DLGAP2: variants seen among roughly 807,000 people sequenced by gnomAD.
The protein encoded by DLGAP2 is disks large-associated protein 2.
Under a neutral mutation model 100.3 loss-of-function variants are expected in DLGAP2, and 26 were observed. The ratio of observed to expected loss-of-function variants is 0.26; its 90% CI spans 0.19 to 0.36. DLGAP2 has a LOEUF of 0.36. DLGAP2 is among the 10% of genes least tolerant of loss of function. The probability of loss-of-function intolerance (pLI) is 1.00; values close to 1 mark genes in which losing one functional copy is unlikely to be tolerated. For synonymous variants in DLGAP2, 886 were observed against 630.1 expected (o/e 1.41, Z -6.08); for missense variants, 1,858 against 1,453.2 (o/e 1.28, Z -4.53).
chr8:1,209,944 C>A (rs1185423286), intron 2 of DLGAP2, among the ~76,000 whole-genome samples: 1 of 152,202 alleles, frequency 6.6e-6, no homozygotes, highest in Non-Finnish European at 1.5e-5. Flanking sequence ...CCACTTTCAA[C>A]TGGAGAAATT....
chr8:1,098,247 A>C (rs1372214508), intron 2 of DLGAP2, among the ~76,000 whole-genome samples: 1 of 152,204 alleles, frequency 6.6e-6, no homozygotes, highest in Non-Finnish European at 1.5e-5. Flanking sequence ...TGTTTCCAAA[A>C]ATATGTTTAC....
At chr8:1,252,768 C>T (rs1189264418) in intron 2 of DLGAP2, among the ~76,000 whole-genome samples, 8 of 152,244 alleles carry the variant, frequency 5.3e-5, no homozygotes, top group Non-Finnish European at 8.8e-5. Context: ...GAAGCGCGGC[C>T]GGATGTGGTG....
chr8:1,601,472 C>T (rs995555809), intron 6 of DLGAP2, among the ~76,000 whole-genome samples: 7 of 152,212 alleles, frequency 4.6e-5, no homozygotes, highest in African/African-American at 1.7e-4. Flanking sequence ...GCTGCACCCA[C>T]AGCCGCCCCT....
intron 2 of DLGAP2, among the ~76,000 whole-genome samples, chr8:1,187,574 A>C (rs529980476): frequency 1.1e-3 from 149 of 141,694 alleles, no homozygotes; most frequent in African/African-American, 3.7e-3. Context: ...GGAATCTCGC[A>C]CGCCCGGGAC....
chr8:1,013,461 G>A (rs913523406), intron 2 of DLGAP2, among the ~76,000 whole-genome samples: 22 of 152,250 alleles, frequency 1.4e-4, no homozygotes, highest in African/African-American at 5.3e-4. Context: ...CGGAATAGGA[G>A]GCAGATGAGC....
chr8:1,165,147 A>G (rs1026548679), intron 2 of DLGAP2, among the ~76,000 whole-genome samples: 2 of 110,024 alleles, frequency 1.8e-5, no homozygotes, highest in African/African-American at 6.8e-5. Context: ...GAAGACAGAG[A>G]GGGGGAGAGG....
At chr8:816,340 A>G (rs1796480359) in intron 1 of DLGAP2, among the ~76,000 whole-genome samples, 2 of 150,936 alleles carry the variant, frequency 1.3e-5, no homozygotes, top group African/African-American at 2.4e-5. Flanking sequence ...TGCTTTAAGG[A>G]ATTCTACTTT....
chr8:1,531,180 C>G (rs1406255718), intron 4 of DLGAP2, among the ~76,000 whole-genome samples: 1 of 151,698 alleles, frequency 6.6e-6, no homozygotes, highest in African/African-American at 2.4e-5. Flanking sequence ...GCTAAAAAAG[C>G]AGGCAACTGG....
chr8:1,214,093 C>T (rs575219284), intron 2 of DLGAP2, among the ~76,000 whole-genome samples: 1 of 152,214 alleles, frequency 6.6e-6, no homozygotes, highest in Non-Finnish European at 1.5e-5. Context: ...AGGCCTGGAA[C>T]CCTCCCCAGG....
chr8:1,364,880 C>G (rs770881615), intron 3 of DLGAP2, among the ~76,000 whole-genome samples: 1 of 152,154 alleles, frequency 6.6e-6, no homozygotes, highest in Non-Finnish European at 1.5e-5. Flanking sequence ...GGAGCAAATT[C>G]TCTTATCTTC....
chr8:1,303,766 G>A (rs114512096), intron 3 of DLGAP2, among the ~76,000 whole-genome samples: 1,625 of 152,138 alleles, frequency 0.011, 27 homozygotes, highest in African/African-American at 0.037. Context: ...GCTTCTCATA[G>A]GGGCTAAATT....
intron 2 of DLGAP2, among the ~76,000 whole-genome samples, chr8:1,103,760 C>T (rs1391015703): frequency 1.4e-5 from 2 of 141,968 alleles, no homozygotes; most frequent in African/African-American, 2.6e-5. Flanking sequence ...TGATGACTGG[C>T]GGGGCCTTGG....
intron 1 of DLGAP2, among the ~76,000 whole-genome samples, chr8:779,422 G>C (rs1821626181): frequency 6.6e-6 from 1 of 151,750 alleles, no homozygotes; most frequent in Non-Finnish European, 1.5e-5. Context: ...ACACAGTTCA[G>C]TCCAGAGCAT....
At chr8:1,505,632 TAA>T (rs752509570) in intron 4 of DLGAP2, among the ~76,000 whole-genome samples, 6 of 152,228 alleles carry the variant, frequency 3.9e-5, no homozygotes, top group Non-Finnish European at 8.8e-5. Context: ...TCCATAAAAT[TAA>T]AGTCACTGAT....
At chr8:1,047,625 G>T (rs924243082) in intron 2 of DLGAP2, among the ~76,000 whole-genome samples, 2 of 152,102 alleles carry the variant, frequency 1.3e-5, no homozygotes, top group African/African-American at 4.8e-5. Flanking sequence ...GGCAGGGTCA[G>T]TGTCCAGCGA....
intron 3 of DLGAP2, among the ~76,000 whole-genome samples, chr8:1,443,110 A>G (rs1046577082): frequency 1.3e-5 from 2 of 152,232 alleles, no homozygotes; most frequent in African/African-American, 4.8e-5. Flanking sequence ...GAAAGTATGT[A>G]GTTAAAAAAA....
At chr8:1,200,760 A>G (rs1211584544) in intron 2 of DLGAP2, among the ~76,000 whole-genome samples, 3 of 151,532 alleles carry the variant, frequency 2.0e-5, no homozygotes, top group Admixed American at 1.3e-4. Context: ...CTGTAATAAC[A>G]CGGGTTCCTG....
At chr8:1,349,787 T>G (rs866912687) in intron 3 of DLGAP2, among the ~76,000 whole-genome samples, 1 of 152,272 alleles carries the variant, frequency 6.6e-6, no homozygotes, top group Non-Finnish European at 1.5e-5. Flanking sequence ...CTGGTGACTT[T>G]ACAGAGAAGT....
At chr8:769,967 A>C (rs112383912) in intron 1 of DLGAP2, among the ~76,000 whole-genome samples, 1,665 of 152,256 alleles carry the variant, frequency 0.011, 22 homozygotes, top group African/African-American at 0.039. Context: ...GCAGCTCTAC[A>C]CAGGAGGGTT....
Sources: allele counts gnomAD v4.1 joint callset (sites outside exome capture counted in the v4.1 genomes callset), GRCh38; gene constraint gnomAD v4.1.1; transcripts MANE v1.5; gene names NCBI Gene and HGNC (gene_info 2026-07-23, HGNC 2026-07-21).